EFCAB6: variants seen among roughly 807,000 people sequenced by gnomAD.
The protein encoded by EFCAB6 is EF-hand calcium binding domain 6.
In EFCAB6, 156 loss-of-function variants were observed where a neutral mutation model predicts 169.8. The ratio of observed to expected loss-of-function variants is 0.92; its 90% CI spans 0.81 to 1.05. EFCAB6 has a LOEUF of 1.05. Among genes scored for constraint, EFCAB6 ranks in the 50% least tolerant of loss-of-function variants. The pLI is 0.00. For missense variants in EFCAB6, 1,800 were observed against 1,829.1 expected, an observed-to-expected ratio of 0.98 and a Z score of 0.29; for synonymous variants, 698 against 676.4, an observed-to-expected ratio of 1.03 and a Z score of -0.50.
At chr22:43,551,727 C>T (rs1211473601) in intron 27 of EFCAB6, 1 of 152,086 alleles carries the variant, frequency 6.6e-6, no homozygotes, top group East Asian at 1.9e-4. Context: ...TCTCATCATT[C>T]AGCTCCCACT....
intron 8 of EFCAB6, among the ~76,000 whole-genome samples, chr22:43,718,237 G>A (rs2059402843): frequency 6.6e-6 from 1 of 152,188 alleles, no homozygotes; most frequent in Non-Finnish European, 1.5e-5. Flanking sequence ...TATAATAAAA[G>A]AGAATGAAAT....
At chr22:43,792,544 CATT>C (rs1016578082) in intron 2 of EFCAB6, among the ~76,000 whole-genome samples, 2 of 152,292 alleles carry the variant, frequency 1.3e-5, no homozygotes, top group African/African-American at 2.4e-5. Flanking sequence ...AAGGCAAATA[CATT>C]ATCTAACTCA....
At chr22:43,639,991 C>T (rs2147962496) in intron 17 of EFCAB6, among the ~76,000 whole-genome samples, 1 of 152,074 alleles carries the variant, frequency 6.6e-6, no homozygotes, top group Middle Eastern at 3.4e-3. Context: ...CCATATGGTT[C>T]TTCTTATAAT....
chr22:43,660,537 AT>A (rs1335995453), intron 17 of EFCAB6, among the ~76,000 whole-genome samples: 2 of 150,720 alleles, frequency 1.3e-5, no homozygotes, highest in Non-Finnish European at 3.0e-5. Flanking sequence ...ATACATATTT[AT>A]ATATTTATAA....
intron 17 of EFCAB6, among the ~76,000 whole-genome samples, chr22:43,647,107 T>C (rs1442410507): frequency 6.9e-6 from 1 of 144,326 alleles, no homozygotes; most frequent in Non-Finnish European, 1.5e-5. Flanking sequence ...CACTAAATCT[T>C]GCTATAAACC....
chr22:43,728,526 C>T (rs2059820232), intron 8 of EFCAB6, among the ~76,000 whole-genome samples: 1 of 152,198 alleles, frequency 6.6e-6, no homozygotes. Context: ...ACACTCCCAC[C>T]AACAGGGTAG....
chr22:43,650,400 G>A (rs988009383), intron 17 of EFCAB6, among the ~76,000 whole-genome samples: 1 of 152,192 alleles, frequency 6.6e-6, no homozygotes, highest in African/African-American at 2.4e-5. Flanking sequence ...CATGTAAGAT[G>A]AGACTTCCTC....
intron 22 of EFCAB6, among the ~76,000 whole-genome samples, chr22:43,602,411 C>T (rs769278543): frequency 3.3e-5 from 5 of 152,308 alleles, no homozygotes; most frequent in African/African-American, 9.6e-5. Context: ...CAGGGGCAAG[C>T]GCCTCCAGCA....
At position 43,628,085 on chromosome 22, in the gene EFCAB6, C is replaced by G. The variant is rs139038782; in HGVS notation, c.2233-1406G>C. The stretch of plus-strand genomic sequence containing the variant: ...ATACTCTCAGCCCCAAGCCGCCACC[C>G]CCCTGACCCACAGCCTCACATCTCC... On this transcript the variant is annotated intron_variant, in intron 19 of 31. Transcript: ENST00000262726. The surrounding 1 kb of genome is among the most constrained non-coding windows in gnomAD (Gnocchi z 4.8). Among the ~76,000 whole-genome samples the G allele has an allele frequency of 1.8e-3, 276 of 152,172 alleles. 1 individual carries two copies. Among genetic ancestry groups the G allele is most frequent in the African/African-American group, 6.6e-3 (273 of 41,508 alleles).
chr22:43,613,942 A>C (rs2053505066), intron 21 of EFCAB6, among the ~76,000 whole-genome samples: 1 of 152,036 alleles, frequency 6.6e-6, no homozygotes, highest in Non-Finnish European at 1.5e-5. Context: ...GCCTGGTCTT[A>C]TTTGCAAGAG....
At chr22:43,719,185 C>T (rs1224126359) in intron 8 of EFCAB6, among the ~76,000 whole-genome samples, 2 of 152,184 alleles carry the variant, frequency 1.3e-5, no homozygotes, top group Admixed American at 1.3e-4. Flanking sequence ...TGACAGCACT[C>T]GGTACGGTGT....
chr22:43,782,198 T>C lies in EFCAB6; in HGVS notation c.121A>G (p.Lys41Glu). The C allele has an allele frequency of 6.2e-7, 1 of 1,612,346 alleles. No homozygotes were observed. Among genetic ancestry groups the C allele is most frequent in the Non-Finnish European group, 8.5e-7 (1 of 1,179,520 alleles). Residue 41 changes from lysine to glutamate, a missense_variant, in exon 3 of 32, where the codon AAG becomes GAG. Coordinates refer to ENST00000262726, the MANE Select transcript of EFCAB6 (RefSeq NM_022785.4). ...TACTTACTTGAAGAAGATCTGAACT[T>C]ATTTGGGGAACCATTCCTTGAATAT... ...RVYSRNGSPN[K>E]FRSSSTTAVA...
intron 8 of EFCAB6, among the ~76,000 whole-genome samples, chr22:43,720,074 A>G (rs1278763026): frequency 6.6e-6 from 1 of 152,234 alleles, no homozygotes; most frequent in Non-Finnish European, 1.5e-5. Flanking sequence ...ATTTACTGTA[A>G]TAAACATTTC....
intron 9 of EFCAB6, among the ~76,000 whole-genome samples, chr22:43,713,957 A>G (rs1037152492): frequency 5.9e-5 from 9 of 152,246 alleles, no homozygotes; most frequent in African/African-American, 2.2e-4. Flanking sequence ...AAGACAGAAT[A>G]TAAAAGAATA....
intron 29 of EFCAB6, chr22:43,535,643 G>A (rs1271666235): frequency 1.3e-5 from 2 of 152,244 alleles, no homozygotes; most frequent in African/African-American, 4.8e-5. Context: ...CATAATTGAA[G>A]GAGGCTTATG....
At chr22:43,784,502 A>ATAT (rs556467993) in intron 2 of EFCAB6, among the ~76,000 whole-genome samples, 9 of 86,868 alleles carry the variant, frequency 1.0e-4, no homozygotes, top group African/African-American at 3.2e-4. Flanking sequence ...AAAAAAAAAA[A>ATAT]ATATATATAT....
chr22:43,567,780 A>G lies in EFCAB6; in HGVS notation c.3420+8517T>C, dbSNP rs564113763. 1.4e-4 allele frequency among the ~76,000 whole-genome samples: 21 copies of G among 152,240 alleles called. No individual in the cohort carries two copies. The South Asian group carries it at 3.9e-3, about 29-fold the overall frequency. ...CAGGCACTGAGCTGGGCAACAGGGA[A>G]TCTTCTCTGGTCCTCACATCACCAT... On this transcript the variant is annotated intron_variant, in intron 26 of 31. Coordinates refer to ENST00000262726, the MANE Select transcript of EFCAB6 (RefSeq NM_022785.4).
intron 21 of EFCAB6, among the ~76,000 whole-genome samples, chr22:43,613,651 A>G (rs914343714): frequency 1.3e-5 from 2 of 152,146 alleles, no homozygotes; most frequent in Admixed American, 1.3e-4. Context: ...TGGAAAGATA[A>G]CTATTGGGTA....
At position 43,540,194 on chromosome 22, in the gene EFCAB6, G is replaced by T. The variant is rs200812172; in HGVS notation, c.3812C>A (p.Thr1271Asn). Residue 1271 changes from threonine to asparagine, a missense_variant, in exon 28 of 32, where the codon ACC becomes AAC. Coordinates refer to ENST00000262726, the MANE Select transcript of EFCAB6 (RefSeq NM_022785.4). ...AGTGGGCAATGAGAGGGCAGATCTG[G>T]TGCCTTCCGAGACGTCAGGGACACT... is the stretch of plus-strand genomic sequence containing the variant. ...GSSVPDVSEG[T>N]RSALSLPTQE... 1 of 1,614,202 alleles carries T rather than the reference G, an allele frequency of 6.2e-7. No individual in the cohort carries two copies. The highest frequency in any genetic ancestry group is 8.5e-7 in the Non-Finnish European group (1 of 1,180,048).
Sources: allele counts gnomAD v4.1 joint callset (sites outside exome capture counted in the v4.1 genomes callset), GRCh38; gene constraint gnomAD v4.1.1; non-coding constraint Gnocchi (gnomAD v3.1); transcripts MANE v1.5; gene names NCBI Gene and HGNC (gene_info 2026-07-23, HGNC 2026-07-21).